The following TLN2 variants were observed in gnomAD, a reference collection of about 807,000 sequenced individuals.
TLN2 encodes talin 2, also known as talin-2.
In TLN2, 118 loss-of-function variants were observed where a neutral mutation model predicts 294.7. The observed-to-expected ratio is 0.40, with a 90% confidence interval of 0.34 to 0.47. The LOEUF (loss-of-function observed/expected upper bound fraction) is 0.47. Ranked by LOEUF, TLN2 falls within the 20% of genes least tolerant of loss-of-function variation. The probability of loss-of-function intolerance (pLI) is 0.84; values close to 1 mark genes in which losing one functional copy is unlikely to be tolerated. For missense variants in TLN2, 3,083 were observed against 3,282.2 expected (o/e 0.94, Z 1.48); for synonymous variants, 1,431 against 1,304.5 (o/e 1.10, Z -2.09).
intron 1 of TLN2, among the ~76,000 whole-genome samples, chr15:62,586,185 G>T (rs1393515461): frequency 6.6e-6 from 1 of 152,218 alleles, no homozygotes; most frequent in Non-Finnish European, 1.5e-5. Context: ...TCGCACTAAA[G>T]GGGGTCAGAA....
intron 1 of TLN2, among the ~76,000 whole-genome samples, chr15:62,573,973 C>A (rs2044159498): frequency 6.6e-6 from 1 of 152,066 alleles, no homozygotes; most frequent in Admixed American, 6.5e-5. Flanking sequence ...AACTTTGAGT[C>A]AAAGGCGGGG....
At chr15:62,787,602 T>G (rs1406924232) in intron 45 of TLN2, among the ~76,000 whole-genome samples, 1 of 152,030 alleles carries the variant, frequency 6.6e-6, no homozygotes, top group Non-Finnish European at 1.5e-5. Flanking sequence ...TAATAAACAC[T>G]GGTAGTTCGT....
At chr15:62,700,080 C>T (rs905664607) in intron 16 of TLN2, among the ~76,000 whole-genome samples, 2 of 152,210 alleles carry the variant, frequency 1.3e-5, no homozygotes, top group East Asian at 1.9e-4. Context: ...GTAAACTCAG[C>T]GCCATTTCTC....
chr15:62,826,525 T>C (rs1226547492), intron 54 of TLN2, among the ~76,000 whole-genome samples: 1 of 152,206 alleles, frequency 6.6e-6, no homozygotes, highest in Non-Finnish European at 1.5e-5. Flanking sequence ...CCAGTTGTTC[T>C]GGGAGGTGTA....
At chr15:62,743,681 T>A (rs2061460300) in intron 32 of TLN2, among the ~76,000 whole-genome samples, 4 of 152,122 alleles carry the variant, frequency 2.6e-5, no homozygotes, top group Admixed American at 2.6e-4. Flanking sequence ...CCCCCTAAAC[T>A]TAGTCAAGGA....
At chr15:62,678,538 A>G (rs2056480873) in intron 11 of TLN2, among the ~76,000 whole-genome samples, 1 of 152,206 alleles carries the variant, frequency 6.6e-6, no homozygotes, top group African/African-American at 2.4e-5. Flanking sequence ...GCTAGAGAGA[A>G]ATCTATAACA....
At chr15:62,603,622 A>C (rs1488506496) in intron 2 of TLN2, among the ~76,000 whole-genome samples, 1 of 152,150 alleles carries the variant, frequency 6.6e-6, no homozygotes, top group Non-Finnish European at 1.5e-5. Flanking sequence ...TTCTTTTTTA[A>C]CCTCATGGAA....
chr15:62,757,450 T>TA (rs1490956372), intron 37 of TLN2, among the ~76,000 whole-genome samples: 1 of 152,214 alleles, frequency 6.6e-6, no homozygotes, highest in Non-Finnish European at 1.5e-5. Flanking sequence ...TTCTGGTCGT[T>TA]AAAAAACATT....
intron 2 of TLN2, among the ~76,000 whole-genome samples, chr15:62,602,667 G>A (rs746360591): frequency 4.6e-5 from 7 of 152,092 alleles, no homozygotes; most frequent in Non-Finnish European, 7.4e-5. Flanking sequence ...AGATGCAGCC[G>A]CCTTGTTGTA....
At chr15:62,496,160 C>T (rs553873170) in intron 1 of TLN2, among the ~76,000 whole-genome samples, 3 of 152,160 alleles carry the variant, frequency 2.0e-5, no homozygotes, top group Non-Finnish European at 4.4e-5. Context: ...ACCAGTCTGG[C>T]CAGCTTTGCT....
Position 62,736,949 on chromosome 15 carries a change from A to G in TLN2, c.3430A>G (p.Thr1144Ala). The G allele has an allele frequency of 6.2e-7, 1 of 1,614,166 alleles. No homozygotes were observed. ...GGCCGCCCGTGGAGTGGCTGCATCG[A>G]CAACCGACCCCGCGGCCGCCCATGC... is the stretch of plus-strand genomic sequence containing the variant. ...AQAARGVAAS[T>A]TDPAAAHAML... Residue 1144 changes from threonine (T) to alanine (A), a missense_variant, in exon 29 of 59, where the codon ACA (threonine) becomes GCA (alanine). Physicochemically the swap from Thr to Ala is moderately conservative, Grantham distance 58. Coordinates refer to ENST00000636159, the MANE Select transcript of TLN2 (RefSeq NM_015059.3).
chr15:62,523,592 C>T (rs1486043489), intron 1 of TLN2, among the ~76,000 whole-genome samples: 2 of 152,126 alleles, frequency 1.3e-5, no homozygotes, highest in Non-Finnish European at 2.9e-5. Flanking sequence ...GTTCACAAAT[C>T]CATTGGCGTA....
At chr15:62,571,851 A>G (rs1467966009) in intron 1 of TLN2, among the ~76,000 whole-genome samples, 2 of 152,214 alleles carry the variant, frequency 1.3e-5, no homozygotes, top group African/African-American at 2.4e-5. Flanking sequence ...AGGAGCCACC[A>G]TTACACCTAA....
chr15:62,783,567 T>C (rs1453585162), intron 44 of TLN2, among the ~76,000 whole-genome samples: 1 of 152,250 alleles, frequency 6.6e-6, no homozygotes, highest in African/African-American at 2.4e-5. Context: ...CTCTGGCCTT[T>C]TGTGTGCAAT....
At chr15:62,541,077 G>A (rs748212323) in intron 1 of TLN2, among the ~76,000 whole-genome samples, 3 of 152,058 alleles carry the variant, frequency 2.0e-5, no homozygotes, top group Non-Finnish European at 2.9e-5. Context: ...TTAAATTTTC[G>A]CACGGGGCTG....
chr15:62,751,144 T>TAA (rs549586570), intron 34 of TLN2, among the ~76,000 whole-genome samples: 2 of 145,620 alleles, frequency 1.4e-5, no homozygotes, highest in Non-Finnish European at 3.0e-5. Flanking sequence ...GGAACAATAA[T>TAA]AAAAAAAAAA....
In TLN2 at chr15:62,820,573, A is replaced by G; in HGVS notation, c.6965A>G (p.Lys2322Arg). ...GAAASIEAAA[K>R]KLEQLKPRAK... ...GCAGCATCCATCGAAGCTGCTGCTAAGAAGTTAGAGCAACTGAAGCCAAGA... is the reference window on the plus strand; with the variant it reads ...GCAGCATCCATCGAAGCTGCTGCTAGGAAGTTAGAGCAACTGAAGCCAAGA... Residue 2322 changes from lysine to arginine, a missense_variant, in exon 54 of 59, where the codon AAG (lysine) becomes AGG (arginine). Coordinates refer to ENST00000636159, the MANE Select transcript of TLN2 (RefSeq NM_015059.3). 6.2e-7 allele frequency: 1 copy of G among 1,613,990 alleles called. No homozygotes were observed. The highest frequency in any genetic ancestry group is 8.5e-7 in the Non-Finnish European group (1 of 1,179,928).
chr15:62,444,308 C>T (rs940249560), intron 1 of TLN2, among the ~76,000 whole-genome samples: 10 of 152,228 alleles, frequency 6.6e-5, no homozygotes, highest in Admixed American at 6.5e-4. Context: ...TGACAAATCC[C>T]ATGTGGACCA....
intron 1 of TLN2, among the ~76,000 whole-genome samples, chr15:62,564,925 A>AAATATAT (rs759679956): frequency 2.4e-4 from 19 of 80,620 alleles, no homozygotes; most frequent in African/African-American, 8.1e-4. Context: ...AAAAAAAAAA[A>AAATATAT]ATATATATAT....
Sources: allele counts gnomAD v4.1 joint callset (sites outside exome capture counted in the v4.1 genomes callset), GRCh38; gene constraint gnomAD v4.1.1; transcripts MANE v1.5; gene names NCBI Gene and HGNC (gene_info 2026-07-23, HGNC 2026-07-21).